ADCY2: variants seen among roughly 807,000 people sequenced by gnomAD.
ADCY2 encodes the protein adenylate cyclase 2, also known as adenylate cyclase type 2.
Under a neutral mutation model 125.2 loss-of-function variants are expected in ADCY2, and 31 were observed. The ratio of observed to expected loss-of-function variants is 0.25; its 90% confidence interval spans 0.19 to 0.33. The LOEUF is 0.33. ADCY2 is among the 10% of genes least tolerant of loss of function. The probability of loss-of-function intolerance (pLI) is 1.00; values close to 1 mark genes in which losing one functional copy is unlikely to be tolerated. For synonymous variants in ADCY2, 512 were observed against 548.4 expected (o/e 0.93, Z 0.93); for missense variants, 904 against 1,418.2 (o/e 0.64, Z 5.82).
chr5:7,744,432 A>G (rs1332131382), intron 15 of ADCY2, among the ~76,000 whole-genome samples: 1 of 152,248 alleles, frequency 6.6e-6, no homozygotes, highest in East Asian at 1.9e-4. Flanking sequence ...ATCCACTTTC[A>G]AGCTATAAAA....
intron 2 of ADCY2, among the ~76,000 whole-genome samples, chr5:7,427,318 T>A (rs2126366031): frequency 6.6e-6 from 1 of 152,272 alleles, no homozygotes; most frequent in South Asian, 2.1e-4. Flanking sequence ...CAGGACTGGG[T>A]AATTTATAAA....
At chr5:7,823,591 T>C (rs1367453351) in intron 24 of ADCY2, among the ~76,000 whole-genome samples, 1 of 152,156 alleles carries the variant, frequency 6.6e-6, no homozygotes, top group African/African-American at 2.4e-5. Flanking sequence ...AGGTCTTATC[T>C]TGGCAGGGAA....
chr5:7,635,379 T>C (rs917613686), intron 4 of ADCY2, among the ~76,000 whole-genome samples: 13 of 152,122 alleles, frequency 8.5e-5, no homozygotes, highest in African/African-American at 2.9e-4. Context: ...TAGGACATAT[T>C]TTAAAATTGA....
chr5:7,673,662 G>A (rs1028348827), intron 4 of ADCY2, among the ~76,000 whole-genome samples: 2 of 152,142 alleles, frequency 1.3e-5, no homozygotes, highest in African/African-American at 2.4e-5. Flanking sequence ...CTCCACTCGT[G>A]TGGGGAATGA....
chr5:7,600,055 C>G (rs1325953049), intron 3 of ADCY2, among the ~76,000 whole-genome samples: 1 of 152,168 alleles, frequency 6.6e-6, no homozygotes, highest in African/African-American at 2.4e-5. Flanking sequence ...GGTTCCTGTG[C>G]TGGGTCCTGG....
chr5:7,511,390 A>T (rs1017790132), intron 2 of ADCY2, among the ~76,000 whole-genome samples: 1 of 152,094 alleles, frequency 6.6e-6, no homozygotes, highest in Non-Finnish European at 1.5e-5. Context: ...CCTGGCCAAC[A>T]TGGTGAAACC....
chr5:7,591,591 G>A (rs1561113881), intron 3 of ADCY2, among the ~76,000 whole-genome samples: 1 of 152,066 alleles, frequency 6.6e-6, no homozygotes, highest in African/African-American at 2.4e-5. Flanking sequence ...TGGTTATACA[G>A]CAACTGTATA....
intron 2 of ADCY2, among the ~76,000 whole-genome samples, chr5:7,453,894 T>G (rs1411200535): frequency 6.6e-6 from 1 of 152,062 alleles, no homozygotes; most frequent in Non-Finnish European, 1.5e-5. Flanking sequence ...CCAGTTAAAC[T>G]CCGCCATTTT....
At chr5:7,749,194 T>A (rs1353374446) in intron 15 of ADCY2, among the ~76,000 whole-genome samples, 1 of 152,226 alleles carries the variant, frequency 6.6e-6, no homozygotes, top group African/African-American at 2.4e-5. Context: ...TTTCCTAAAG[T>A]ATGTTTTTCA....
At chr5:7,533,935 G>A (rs570494076) in intron 3 of ADCY2, among the ~76,000 whole-genome samples, 1 of 152,252 alleles carries the variant, frequency 6.6e-6, no homozygotes, top group South Asian at 2.1e-4. Context: ...GTGCTCATCA[G>A]TCCTAGTGGT....
intron 3 of ADCY2, among the ~76,000 whole-genome samples, chr5:7,568,481 G>T (rs191711071): frequency 1.4e-3 from 218 of 151,936 alleles, no homozygotes; most frequent in Non-Finnish European, 2.2e-3. Context: ...TTTGTTGTAT[G>T]AGTGCTTTGT....
chr5:7,768,983 A>C (rs982049290), intron 17 of ADCY2, among the ~76,000 whole-genome samples: 4 of 152,162 alleles, frequency 2.6e-5, no homozygotes, highest in African/African-American at 9.6e-5. Context: ...CCATTTTGTG[A>C]GTGTGTGCCA....
At chr5:7,575,509 A>AT (rs1283439842) in intron 3 of ADCY2, among the ~76,000 whole-genome samples, 1 of 151,982 alleles carries the variant, frequency 6.6e-6, no homozygotes, top group African/African-American at 2.4e-5. Flanking sequence ...TCATTGGTTC[A>AT]TTTTTTATTG....
intron 12 of ADCY2, among the ~76,000 whole-genome samples, chr5:7,717,953 A>G (rs1293640307): frequency 6.6e-6 from 1 of 152,138 alleles, no homozygotes; most frequent in African/African-American, 2.4e-5. Context: ...AACTGTAGTG[A>G]AAACATCAGG....
chr5:7,746,706 C>T (rs1202032987), intron 15 of ADCY2, among the ~76,000 whole-genome samples: 2 of 152,198 alleles, frequency 1.3e-5, no homozygotes, highest in Admixed American at 6.5e-5. Flanking sequence ...CTTCTATTAA[C>T]GTATGGTAAC....
chr5:7,486,443 A>G (rs1181384740), intron 2 of ADCY2, among the ~76,000 whole-genome samples: 1 of 152,196 alleles, frequency 6.6e-6, no homozygotes, highest in African/African-American at 2.4e-5. Context: ...ATGAATTTTA[A>G]GGGCAGTTAA....
intron 2 of ADCY2, among the ~76,000 whole-genome samples, chr5:7,479,155 G>A (rs555543584): frequency 1.5e-4 from 23 of 152,104 alleles, no homozygotes; most frequent in South Asian, 4.2e-4. Context: ...GCATTGGTGC[G>A]TTTAGGGGTT....
At chr5:7,455,191 T>G (rs1182647193) in intron 2 of ADCY2, among the ~76,000 whole-genome samples, 1 of 152,194 alleles carries the variant, frequency 6.6e-6, no homozygotes, top group Non-Finnish European at 1.5e-5. Context: ...GCTTGAAGGA[T>G]ACAACAGAAG....
chr5:7,645,657 A>G (rs907792780), intron 4 of ADCY2, among the ~76,000 whole-genome samples: 4 of 152,184 alleles, frequency 2.6e-5, no homozygotes, highest in African/African-American at 9.7e-5. Context: ...ATCACTATTT[A>G]CAGACATTTG....
Sources: gnomAD v4.1 joint callset for allele counts (sites outside exome capture counted in the v4.1 genomes callset) on GRCh38, gnomAD v4.1.1 for gene constraint, MANE v1.5 for transcripts, NCBI Gene and HGNC (gene_info 2026-07-23, HGNC 2026-07-21) for gene names.